NLRP7: variants seen among roughly 807,000 people sequenced by gnomAD.
NLRP7 encodes the protein NLR family pyrin domain containing 7, also known as NACHT, LRR and PYD domains-containing protein 7.
NLRP7 carries 72 observed loss-of-function variants against 85.5 expected under a neutral mutation model. The observed-to-expected ratio is 0.84, with a 90% CI of 0.70 to 1.02. The LOEUF is 1.02. NLRP7 is among the 50% of genes least tolerant of loss of function. The pLI is 0.00. For missense variants in NLRP7, 1,243 were observed against 1,219.5 expected (o/e 1.02, Z -0.29); for synonymous variants, 550 against 505.2 (o/e 1.09, Z -1.19).
At chr19:54,964,651 C>G (rs1375038078) in intron 1 of NLRP7, among the ~76,000 whole-genome samples, 4 of 150,570 alleles carry the variant, frequency 2.7e-5, no homozygotes, top group Non-Finnish European at 4.5e-5. Context: ...GGCAAAACCC[C>G]GTCTCTATTG....
intron 1 of NLRP7, among the ~76,000 whole-genome samples, chr19:54,959,448 T>C (rs2069966625): frequency 6.6e-6 from 1 of 151,526 alleles, no homozygotes; most frequent in African/African-American, 2.4e-5. Flanking sequence ...CCTTGTTTTT[T>C]TTCTAAAACA....
intron 1 of NLRP7, among the ~76,000 whole-genome samples, chr19:54,960,901 A>G (rs2146286789): frequency 6.6e-6 from 1 of 151,310 alleles, no homozygotes; most frequent in African/African-American, 2.4e-5. Context: ...AGCACAAAAG[A>G]TAATTTCTTA....
intron 3 of NLRP7, 91 bp from the exon 4 acceptor site, chr19:54,940,557 T>G: frequency 7.0e-7 from 1 of 1,438,762 alleles, no homozygotes; most frequent in Non-Finnish European, 9.7e-7. Context: ...CCAGGCACGG[T>G]GTCTCATGCT....
At chr19:54,927,668 T>A (rs187895920) in intron 9 of NLRP7, 4 of 1,614,170 alleles carry the variant, frequency 2.5e-6, no homozygotes, top group Non-Finnish European at 3.4e-6. Context: ...TATGCCACTC[T>A]TCCACAAATG....
At chr19:54,928,176 C>T (rs1037417853) in intron 9 of NLRP7, among the ~76,000 whole-genome samples, 4 of 152,102 alleles carry the variant, frequency 2.6e-5, no homozygotes, top group African/African-American at 9.7e-5. Flanking sequence ...GCCCAGATTG[C>T]GCCACTGCAC....
chr19:54,940,100 C>T lies in NLRP7; in HGVS notation c.719G>A (p.Ser240Asn), dbSNP rs199475824. ...GATTCTCTGTGCTTGGGCTAGGATGCTTGGAATGTCATCCTGCAATTCAGG... is the reference window on the plus strand; with the variant it reads ...GATTCTCTGTGCTTGGGCTAGGATGTTTGGAATGTCATCCTGCAATTCAGG... The change falls in exon 4 of 10, where the codon AGC becomes AAC. Residue 240 changes from serine to asparagine, a missense_variant. Coordinates refer to ENST00000340844, the Ensembl canonical transcript of NLRP7. 189 of 1,614,180 alleles carry T rather than the reference C, an allele frequency of 1.2e-4. 1 individual carries two copies. In the East Asian group the frequency reaches 3.6e-3, roughly 31 times the overall value.
At chr19:54,957,944 G>C (rs957110599) in intron 1 of NLRP7, among the ~76,000 whole-genome samples, 1 of 152,016 alleles carries the variant, frequency 6.6e-6, no homozygotes, top group Non-Finnish European at 1.5e-5. Context: ...GGCCGGGCAC[G>C]GTGTCTCACG....
At chr19:54,951,614 A>G (rs2069671829), upstream of NLRP7, among the ~76,000 whole-genome samples, 1 of 152,166 alleles carries the variant, frequency 6.6e-6, no homozygotes, top group Admixed American at 6.6e-5. Context: ...AGTAAAAAAA[A>G]TAAAAATGAA....
At chr19:54,927,718 G>A (rs753277279) in intron 9 of NLRP7, 1 of 1,613,984 alleles carries the variant, frequency 6.2e-7, no homozygotes, top group South Asian at 1.1e-5. Flanking sequence ...TCTGATTGCT[G>A]AGGAGAGCAG....
At chr19:54,939,538 C>T (rs779886246) in exon 4 of NLRP7, 3 of 1,613,450 alleles carry the variant, frequency 1.9e-6, no homozygotes, top group East Asian at 2.2e-5. Flanking sequence ...GGAACACGGA[C>T]ATCTGCGCCC....
At chr19:54,963,935 C>T (rs1352218424) in intron 1 of NLRP7, among the ~76,000 whole-genome samples, 1 of 149,548 alleles carries the variant, frequency 6.7e-6, no homozygotes, top group African/African-American at 2.5e-5. Context: ...GGGTGGAGTG[C>T]AGTGGTGCGG....
At chr19:54,953,539 G>T (rs2069742229) in intron 1 of NLRP7, among the ~76,000 whole-genome samples, 1 of 149,206 alleles carries the variant, frequency 6.7e-6, no homozygotes, top group African/African-American at 2.6e-5. Context: ...TCTGCTTGTG[G>T]ATTTCATTCC....
In NLRP7 at chr19:54,939,187, C is replaced by T. The variant is rs575664303; in HGVS notation, c.1632G>A (p.Pro544=). 29 of 1,614,212 alleles carry T rather than the reference C, an allele frequency of 1.8e-5. No homozygotes were observed. In the South Asian group the frequency reaches 3.0e-4, roughly 16 times the overall value. Reference sequence around the variant, plus strand: ...ATTGCAGCAATTCCTGTTTGATGTCCGGTGACATCCGGCAGCCAAAAGTGG... The same window carrying T: ...ATTGCAGCAATTCCTGTTTGATGTCTGGTGACATCCGGCAGCCAAAAGTGG... Residue 544 remains proline, a synonymous_variant, in exon 4 of 10, where the codon CCG becomes CCA. Transcript: ENST00000340844.
At chr19:54,927,832 G>A (rs776264390) in intron 9 of NLRP7, 57 bp from the exon 10 acceptor site, 109 of 1,487,262 alleles carry the variant, frequency 7.3e-5, no homozygotes, top group Middle Eastern at 1.9e-4. Context: ...TGGCTCAAGC[G>A]TGTAATCCCA....
chr19:54,939,080 T>C (rs751179037), exon 4 of NLRP7: 1 of 1,614,190 alleles, frequency 6.2e-7, no homozygotes, highest in Admixed American at 1.7e-5. Context: ...CAGCTCCTCC[T>C]CCTGAGACTC....
Position 54,940,239 on chromosome 19 carries a change from CCAGCATA to C in NLRP7, c.573_579del (p.Cys191TrpfsTer34). On this transcript the variant is annotated frameshift_variant, in exon 4 of 10. Transcript: ENST00000340844. LOFTEE classifies it high-confidence loss of function. ...GGGCTGAGGTTGCAGTCTGTCCAGT[CCAGCATA>C]CACTTTTTGGCCAGCGTGGTTTTCC... The C allele has an allele frequency of 6.2e-7, 1 of 1,614,194 alleles. No homozygotes were observed. The highest frequency in any genetic ancestry group is 8.5e-7 in the Non-Finnish European group (1 of 1,180,036).
At chr19:54,964,438 G>A (rs1390254843) in intron 1 of NLRP7, among the ~76,000 whole-genome samples, 1 of 150,822 alleles carries the variant, frequency 6.6e-6, no homozygotes, top group Non-Finnish European at 1.5e-5. Flanking sequence ...GGATGGTCTC[G>A]ATCTCCTGAC....
chr19:54,946,943 T>C (rs2069501849), intron 1 of NLRP7, among the ~76,000 whole-genome samples: 1 of 151,902 alleles, frequency 6.6e-6, no homozygotes, highest in Admixed American at 6.6e-5. Context: ...CCTGGCCTTA[T>C]ATTTTTTTGT....
At chr19:54,946,018 T>C (rs1190807121) in intron 1 of NLRP7, among the ~76,000 whole-genome samples, 4 of 151,762 alleles carry the variant, frequency 2.6e-5, no homozygotes, top group South Asian at 4.2e-4. Context: ...GTCTCGATCT[T>C]CTGACCTCGT....
Sources: allele counts gnomAD v4.1 joint callset (sites outside exome capture counted in the v4.1 genomes callset), GRCh38; gene constraint gnomAD v4.1.1; transcripts MANE v1.5; gene names NCBI Gene and HGNC (gene_info 2026-07-23, HGNC 2026-07-21).